FARS2: variants seen among roughly 807,000 people sequenced by gnomAD.
FARS2 encodes the protein phenylalanine--tRNA ligase, mitochondrial.
In FARS2, 40 loss-of-function variants were observed where a neutral mutation model predicts 46.4. The observed-to-expected ratio is 0.86, with a 90% confidence interval of 0.67 to 1.12. FARS2 has a LOEUF of 1.12. Ranked by LOEUF, FARS2 falls within the 50% of genes most tolerant of loss-of-function variation. The pLI is 0.00. For missense variants in FARS2, 513 were observed against 567.9 expected (o/e 0.90, Z 0.98); for synonymous variants, 234 against 214.9 (o/e 1.09, Z -0.78).
rs75562196 is a variant in FARS2 at position 5,293,309 on chromosome 6, G to A, written c.-22+31649G>A. On this transcript the variant is annotated intron_variant, in intron 1 of 6. Coordinates refer to ENST00000274680, the MANE Select transcript of FARS2 (RefSeq NM_006567.5). ...TTTGTTTTAGTAGGAGAAATTATGT[G>A]CTGAAATGAGTGAGCCATGAGGCTT... Among the ~76,000 whole-genome samples the A allele has an allele frequency of 5.3e-4, 80 of 152,328 alleles. 1 individual carries two copies. In the South Asian group the frequency reaches 6.0e-3, roughly 11 times the overall value.
intron 6 of FARS2, among the ~76,000 whole-genome samples, chr6:5,693,570 G>A (rs533930203): frequency 1.3e-5 from 2 of 152,314 alleles, no homozygotes; most frequent in African/African-American, 2.4e-5. Flanking sequence ...GTAAAAATCT[G>A]GTTATCTATT....
In FARS2 at chr6:5,414,033, A is replaced by G. The variant is rs575241518; in HGVS notation, c.772+9332A>G. On this transcript the variant is annotated intron_variant, in intron 3 of 6. Coordinates refer to ENST00000274680, the MANE Select transcript of FARS2 (RefSeq NM_006567.5). ...AAATGATGTCATCTCACAATAAAAC[A>G]AACAACTACCATTATTTGATGATCC... Among the ~76,000 whole-genome samples, 3 of 152,322 alleles carry G rather than the reference A, an allele frequency of 2.0e-5. No individual in the cohort carries two copies. The South Asian group carries it at 6.2e-4, about 32-fold the overall frequency.
chr6:5,268,696 T>G (rs959924675), intron 1 of FARS2, among the ~76,000 whole-genome samples: 12 of 152,216 alleles, frequency 7.9e-5, no homozygotes, highest in Non-Finnish European at 1.5e-4. Context: ...GGCTCTTTTT[T>G]GGGTCATATG....
rs745440558 is a variant in FARS2, at chr6:5,387,257, C to T, written c.613-17285C>T. Among the ~76,000 whole-genome samples, 20 of 152,248 alleles carry T rather than the reference C, an allele frequency of 1.3e-4. 1 individual carries two copies. In the South Asian group the frequency reaches 2.1e-3, roughly 16 times the overall value. On this transcript the variant is annotated intron_variant, in intron 2 of 6. Coordinates refer to ENST00000274680, the MANE Select transcript of FARS2 (RefSeq NM_006567.5). Reference sequence around the variant, plus strand: ...TGACATCTTTGAGGAGACAGAGTGACGGGATAGGGTATATCCAAGACGCGA... The same window carrying T: ...TGACATCTTTGAGGAGACAGAGTGATGGGATAGGGTATATCCAAGACGCGA...
intron 4 of FARS2, among the ~76,000 whole-genome samples, chr6:5,539,414 A>ATATAT (rs1770466192): frequency 7.3e-6 from 1 of 136,922 alleles, no homozygotes; most frequent in African/African-American, 2.8e-5. Flanking sequence ...ATATTTTTTT[A>ATATAT]GTAGAGACGG....
At chr6:5,684,011 A>G (rs1231936785) in intron 6 of FARS2, among the ~76,000 whole-genome samples, 1 of 152,056 alleles carries the variant, frequency 6.6e-6, no homozygotes, top group Non-Finnish European at 1.5e-5. Context: ...TTCTTTTTCC[A>G]GTCTATCACT....
chr6:5,487,051 G>T lies in FARS2; in HGVS notation c.904+55879G>T, dbSNP rs116794867. Among the ~76,000 whole-genome samples, 709 of 152,296 alleles carry T rather than the reference G, an allele frequency of 4.7e-3. 9 individuals carry two copies. Among genetic ancestry groups the T allele is most frequent in the African/African-American group, 0.016 (681 of 41,564 alleles). On this transcript the variant is annotated intron_variant, in intron 4 of 6. Coordinates refer to ENST00000274680, the MANE Select transcript of FARS2 (RefSeq NM_006567.5). The stretch of plus-strand genomic sequence containing the variant: ...GGATATTGGCTGCTCATGTCCAGGG[G>T]TATTGATGATTCTTTCAAATAAATC...
intron 4 of FARS2, among the ~76,000 whole-genome samples, chr6:5,438,182 A>G (rs1202608860): frequency 6.7e-6 from 1 of 150,368 alleles, no homozygotes; most frequent in Non-Finnish European, 1.5e-5. Flanking sequence ...TTTTAAAAAA[A>G]TTATTAACTA....
intron 5 of FARS2, among the ~76,000 whole-genome samples, chr6:5,590,488 T>C (rs1311442296): frequency 3.3e-5 from 5 of 152,224 alleles, no homozygotes; most frequent in African/African-American, 9.6e-5. Flanking sequence ...GAGGTGTTCG[T>C]TGTTTGATGA....
chr6:5,381,900 A>G (rs1759820668), intron 2 of FARS2, among the ~76,000 whole-genome samples: 1 of 152,202 alleles, frequency 6.6e-6, no homozygotes. Flanking sequence ...TCTCTCTCCG[A>G]GGGCTGGGAG....
chr6:5,461,265 C>T lies in FARS2; in HGVS notation c.904+30093C>T, dbSNP rs369758452. Among the ~76,000 whole-genome samples, 21 of 152,206 alleles carry T rather than the reference C, an allele frequency of 1.4e-4. 1 individual carries two copies. In the East Asian group the frequency reaches 3.5e-3, roughly 25 times the overall value. ...ACATTGCCTAGGCTGGTCTTGAACA[C>T]CGGAGCTCAGGTGATCCACCCACCT... is the stretch of plus-strand genomic sequence containing the variant. On this transcript the variant is annotated intron_variant, in intron 4 of 6. Transcript: ENST00000274680.
chr6:5,548,572 T>G (rs916489488), intron 5 of FARS2, among the ~76,000 whole-genome samples: 1 of 152,262 alleles, frequency 6.6e-6, no homozygotes, highest in South Asian at 2.1e-4. Flanking sequence ...GTCAGTTATT[T>G]AATCAGCAAA....
the FARS2 span, among the ~76,000 whole-genome samples, chr6:5,252,441 C>T: frequency 9.1e-4 from 138 of 152,284 alleles, no homozygotes; most frequent in Non-Finnish European, 1.8e-3. Flanking sequence ...CTCAGTCCAA[C>T]ACTTCAGCCA....
chr6:5,547,318 T>C (rs1361311531), intron 5 of FARS2, among the ~76,000 whole-genome samples: 1 of 152,142 alleles, frequency 6.6e-6, no homozygotes, highest in East Asian at 1.9e-4. Context: ...TGTTCTTTTG[T>C]TGTGGTTGTT....
At chr6:5,387,167 A>G (rs896190581) in intron 2 of FARS2, among the ~76,000 whole-genome samples, 15 of 152,160 alleles carry the variant, frequency 9.9e-5, no homozygotes, top group African/African-American at 3.4e-4. Flanking sequence ...AATGGAATAT[A>G]TTCATAGAGG....
chr6:5,607,279 ATATGTATGTGTGTGTG>A (rs1232537495), intron 5 of FARS2, among the ~76,000 whole-genome samples: 4 of 105,158 alleles, frequency 3.8e-5, no homozygotes, highest in Admixed American at 9.8e-5. Flanking sequence ...TTAAAGAATA[ATATGTATGTGTGTGTG>A]TGTGTGTGTG....
chr6:5,436,431 G>A lies in FARS2; in HGVS notation c.904+5259G>A, dbSNP rs1763525406. Among the ~76,000 whole-genome samples the A allele has an allele frequency of 2.6e-5, 4 of 152,196 alleles. No individual in the cohort carries two copies. The East Asian group carries it at 7.7e-4, about 29-fold the overall frequency. ...CCAAGGCTGTACTGGTAATAAACATGCCTTTTATATAATTAGTGTCTTTTG... is the reference window on the plus strand; with the variant it reads ...CCAAGGCTGTACTGGTAATAAACATACCTTTTATATAATTAGTGTCTTTTG... On this transcript the variant is annotated intron_variant, in intron 4 of 6. Coordinates refer to ENST00000274680, the MANE Select transcript of FARS2 (RefSeq NM_006567.5).
intron 6 of FARS2, among the ~76,000 whole-genome samples, chr6:5,660,800 A>C (rs1777818179): frequency 1.3e-5 from 2 of 152,224 alleles, no homozygotes; most frequent in African/African-American, 2.4e-5. Flanking sequence ...CTCTGGAAAG[A>C]AGGCCAGTGT....
intron 6 of FARS2, among the ~76,000 whole-genome samples, chr6:5,708,574 T>C (rs1321339249): frequency 6.6e-6 from 1 of 152,242 alleles, no homozygotes; most frequent in Non-Finnish European, 1.5e-5. Flanking sequence ...GTAAAGCCTC[T>C]GGTCAAACCA....
Sources: allele counts gnomAD v4.1 joint callset (sites outside exome capture counted in the v4.1 genomes callset), GRCh38; gene constraint gnomAD v4.1.1; transcripts MANE v1.5; gene names NCBI Gene and HGNC (gene_info 2026-07-23, HGNC 2026-07-21).